EFR3B: variants seen among roughly 807,000 people sequenced by gnomAD.
EFR3B encodes the protein protein EFR3 homolog B.
Under a neutral mutation model 104.7 loss-of-function variants are expected in EFR3B, and 64 were observed. The observed-to-expected ratio is 0.61, with a 90% CI of 0.50 to 0.75. The LOEUF is 0.75. Ranked by LOEUF, EFR3B falls within the 30% of genes least tolerant of loss-of-function variation. The pLI is 0.00. For synonymous variants in EFR3B, 385 were observed against 417.9 expected, an observed-to-expected ratio of 0.92 and a Z score of 0.96; for missense variants, 750 against 1,078.5, an observed-to-expected ratio of 0.70 and a Z score of 4.27.
intron 16 of EFR3B, among the ~76,000 whole-genome samples, chr2:25,140,358 G>C (rs1386135680): frequency 6.6e-6 from 1 of 152,060 alleles, no homozygotes; most frequent in Non-Finnish European, 1.5e-5. Flanking sequence ...AACAAAACAA[G>C]AAAATTTAGG....
At chr2:25,149,602 A>G in intron 19 of EFR3B, 92 bp from the exon 20 acceptor site, 1 of 1,346,726 alleles carries the variant, frequency 7.4e-7, no homozygotes, top group South Asian at 1.3e-5. Context: ...TTCTTCCAAC[A>G]AGCAAGGGGC....
At chr2:25,096,677 C>G (rs988382197) in intron 3 of EFR3B, among the ~76,000 whole-genome samples, 26 of 152,192 alleles carry the variant, frequency 1.7e-4, no homozygotes, top group African/African-American at 6.0e-4. Flanking sequence ...CTGGTGTTCT[C>G]TCTCACTTTG....
At chr2:25,091,741 G>A (rs936835295) in intron 2 of EFR3B, among the ~76,000 whole-genome samples, 2 of 152,188 alleles carry the variant, frequency 1.3e-5, no homozygotes, top group African/African-American at 4.8e-5. Flanking sequence ...TTGAGTGATC[G>A]TAGCTCCCTG....
chr2:25,046,746 G>A (rs1023132987), intron 1 of EFR3B, among the ~76,000 whole-genome samples: 1 of 151,664 alleles, frequency 6.6e-6, no homozygotes, highest in Non-Finnish European at 1.5e-5. Context: ...CTCGTGATCC[G>A]CCCGCCTCGG....
At chr2:25,123,177 A>G (rs1670068036) in intron 5 of EFR3B, among the ~76,000 whole-genome samples, 1 of 151,950 alleles carries the variant, frequency 6.6e-6, no homozygotes, top group South Asian at 2.1e-4. Flanking sequence ...AGCCTGGGCA[A>G]CATAATGAGA....
chr2:25,096,786 A>G (rs561267251), intron 3 of EFR3B, among the ~76,000 whole-genome samples: 1 of 152,340 alleles, frequency 6.6e-6, no homozygotes, highest in African/African-American at 2.4e-5. Flanking sequence ...GTCTTGAACT[A>G]CAGTGAAATG....
At chr2:25,102,037 T>G (rs999133237) in intron 3 of EFR3B, among the ~76,000 whole-genome samples, 1 of 152,214 alleles carries the variant, frequency 6.6e-6, no homozygotes, top group African/African-American at 2.4e-5. Flanking sequence ...GAGTTTGAGC[T>G]TAGAGGTGCC....
chr2:25,127,191 CAAAAAAAA>C (rs57818903), intron 5 of EFR3B, among the ~76,000 whole-genome samples: 72 of 51,738 alleles, frequency 1.4e-3, no homozygotes, highest in African/African-American at 5.0e-3. Context: ...GACTCCACCT[CAAAAAAAA>C]AAAAAAAAAA....
At chr2:25,068,584 C>A (rs1032413272) in intron 1 of EFR3B, among the ~76,000 whole-genome samples, 1 of 151,744 alleles carries the variant, frequency 6.6e-6, no homozygotes, top group Non-Finnish European at 1.5e-5. Context: ...ATGAATAAAA[C>A]AAAGATTCAC....
At position 25,131,684 on chromosome 2, in the gene EFR3B, C is replaced by T; in HGVS notation, c.986-66C>T. The T allele has an allele frequency of 1.4e-6, 2 of 1,477,954 alleles. No individual in the cohort carries two copies. Among genetic ancestry groups the T allele is most frequent in the Non-Finnish European group, 1.8e-6 (2 of 1,108,846 alleles). 91.6% of individuals were successfully genotyped at this position (1,477,954 alleles called of 1,614,324 possible). A position where few individuals can be genotyped will look rare whatever the true frequency, so the allele number is the denominator to read the frequency against. ...AGGGGGCGTGACCCTGCCCTGCCTG[C>T]GCGCGGTGCACAGAGGAGGAGGGTG... On this transcript the variant is annotated intron_variant, in intron 9 of 22. Transcript: ENST00000403714. The surrounding 1 kb of genome is among the most constrained non-coding windows in gnomAD (Gnocchi z 7.6).
rs530641178 is a variant in EFR3B at position 25,093,023 on chromosome 2, C to T, written c.105C>T (p.Asn35=). The change falls in exon 3 of 23, where the codon AAC becomes AAT. Residue 35 remains asparagine, a synonymous_variant. Transcript: ENST00000403714. The part of the protein sequence containing the change: ...EDPEDGLVKT[N]MEKLTFYALS... ...TACAGGATGGTCTGGTGAAGACCAA[C>T]ATGGAGAAGCTGACCTTCTATGCCC... The T allele has an allele frequency of 1.4e-4, 222 of 1,547,842 alleles. 2 individuals carry two copies. The South Asian group carries it at 2.5e-3, about 18-fold the overall frequency.
intron 16 of EFR3B, 140 bp from the exon 17 acceptor site, chr2:25,141,226 G>T: frequency 1.2e-6 from 1 of 838,906 alleles, no homozygotes. Context: ...AGTTTCCACT[G>T]AAAAGCTCAG....
intron 1 of EFR3B, chr2:25,080,997 A>G (rs1668788029): frequency 2.6e-6 from 2 of 757,550 alleles, no homozygotes; most frequent in East Asian, 4.9e-5. Context: ...AGGTTCTTTA[A>G]TTGCATCAGG....
chr2:25,080,165 T>G, intron 1 of EFR3B: 5 of 1,421,836 alleles, frequency 3.5e-6, no homozygotes, highest in Non-Finnish European at 5.0e-6. Context: ...CAAAAAATGT[T>G]GATCAGAATA....
At chr2:25,148,719 G>A (rs1322201821) in intron 19 of EFR3B, among the ~76,000 whole-genome samples, 1 of 149,786 alleles carries the variant, frequency 6.7e-6, no homozygotes, top group Non-Finnish European at 1.5e-5. Context: ...TCAGGAGATC[G>A]AGACCATCCC....
chr2:25,051,638 T>TG (rs368027631), intron 1 of EFR3B, among the ~76,000 whole-genome samples: 52,650 of 107,140 alleles, frequency 0.49, 12,194 homozygotes, highest in Middle Eastern at 0.63. Context: ...TGTGTGTGTG[T>TG]TTTTTTTTTT....
At chr2:25,118,011 G>A (rs1669908204) in intron 4 of EFR3B, among the ~76,000 whole-genome samples, 1 of 151,640 alleles carries the variant, frequency 6.6e-6, no homozygotes, top group South Asian at 2.1e-4. Context: ...ACTGAGTCTC[G>A]TTCTGTCGCC....
intron 1 of EFR3B, chr2:25,080,667 C>T (rs1573187493): frequency 1.5e-6 from 1 of 670,234 alleles, no homozygotes; most frequent in Non-Finnish European, 2.6e-6. Flanking sequence ...TATTTCCTTT[C>T]AGGCCAATGT....
chr2:25,084,342 T>C (rs932186420), intron 1 of EFR3B, among the ~76,000 whole-genome samples: 1 of 152,078 alleles, frequency 6.6e-6, no homozygotes, highest in Non-Finnish European at 1.5e-5. Context: ...ATTCAAGCGA[T>C]TCTTGTGCCT....
Sources: allele counts gnomAD v4.1 joint callset (sites outside exome capture counted in the v4.1 genomes callset), GRCh38; gene constraint gnomAD v4.1.1; non-coding constraint Gnocchi (gnomAD v3.1); transcripts MANE v1.5; gene names NCBI Gene and HGNC (gene_info 2026-07-23, HGNC 2026-07-21).